Variants in SYTL2 observed in about 807,000 individuals in gnomAD.
SYTL2 encodes synaptotagmin-like protein 2.
In SYTL2, 165 loss-of-function variants were observed where a neutral mutation model predicts 198.7. The ratio of observed to expected loss-of-function variants is 0.83; its 90% CI spans 0.73 to 0.94. The LOEUF is 0.94. SYTL2 is among the 40% of genes least tolerant of loss of function. The pLI is 0.00. For missense variants in SYTL2, 2,835 were observed against 2,582.8 expected (o/e 1.10, Z -2.12); for synonymous variants, 966 against 917.7 (o/e 1.05, Z -0.95).
chr11:85,851,879 T>C, the SYTL2 span, among the ~76,000 whole-genome samples: 1 of 152,240 alleles, frequency 6.6e-6, no homozygotes, highest in African/African-American at 2.4e-5. Context: ...AATTTTATCC[T>C]ATAATCCCAT....
chr11:85,802,705 A>G (rs2092908588), intron 1 of SYTL2, among the ~76,000 whole-genome samples: 1 of 152,234 alleles, frequency 6.6e-6, no homozygotes, highest in African/African-American at 2.4e-5. Flanking sequence ...AATAGAACTG[A>G]CATTTATTGA....
At chr11:85,714,685 A>C in intron 11 of SYTL2, 178 bp from the exon 12 acceptor site, 1 of 1,330,758 alleles carries the variant, frequency 7.5e-7, no homozygotes, top group Non-Finnish European at 9.7e-7. Flanking sequence ...GTTTTTATAA[A>C]TTATATAGAG....
chr11:85,743,054 A>G (rs904843691), intron 4 of SYTL2, among the ~76,000 whole-genome samples: 3 of 152,230 alleles, frequency 2.0e-5, no homozygotes, highest in African/African-American at 7.2e-5. Context: ...CAACAGAAAG[A>G]AAGATGTTGC....
rs568790639 is a variant in SYTL2 at position 85,727,738 on chromosome 11, T to C, written c.1620A>G (p.Gln540=). The change falls in exon 8 of 20, where the codon CAA becomes CAG. Residue 540 remains glutamine, a synonymous_variant. Coordinates refer to ENST00000359152, the MANE Select transcript of SYTL2 (RefSeq NM_206927.4). The part of the protein sequence containing the change: ...SYSDDNKSFL[Q]HPRGIESKEK... ...CTTTGGACTCTATTCCTCGGGGATG[T>C]TGGAGGAATGACTTATTGTCATCTG... The C allele has an allele frequency of 6.4e-6, 10 of 1,553,536 alleles. No homozygotes were observed. In the African/African-American group the frequency reaches 1.1e-4, roughly 17 times the overall value.
At chr11:85,752,741 A>G (rs1339556676) in intron 2 of SYTL2, among the ~76,000 whole-genome samples, 1 of 151,844 alleles carries the variant, frequency 6.6e-6, no homozygotes, top group Non-Finnish European at 1.5e-5. Context: ...CTTCAACCCT[A>G]TCTCCTCATC....
At chr11:85,709,238 T>TC in intron 14 of SYTL2, 93 bp downstream of exon 14, 1 of 1,236,980 alleles carries the variant, frequency 8.1e-7, no homozygotes, top group African/African-American at 1.5e-5. Flanking sequence ...ACACATACCC[T>TC]CCCTCCTCTT....
the SYTL2 span, among the ~76,000 whole-genome samples, chr11:85,822,380 A>G: frequency 1.3e-5 from 2 of 152,128 alleles, no homozygotes; most frequent in African/African-American, 4.8e-5. Context: ...GGATCTTACT[A>G]TTTGCTCTAC....
Position 85,697,282 on chromosome 11 carries a change from C to T in SYTL2, c.6368+697G>A, listed in dbSNP as rs889835666. Among the ~76,000 whole-genome samples the T allele has an allele frequency of 3.9e-5, 6 of 152,116 alleles. No individual in the cohort carries two copies. The South Asian group carries it at 6.2e-4, about 16-fold the overall frequency. ...CTTGAACTCCTGGGCTCCAGTGATC[C>T]GTCCGCCTTGGCCTCCCAAAGTGCT... On this transcript the variant is annotated intron_variant, in intron 18 of 19. Coordinates refer to ENST00000359152, the MANE Select transcript of SYTL2 (RefSeq NM_206927.4).
intron 1 of SYTL2, among the ~76,000 whole-genome samples, chr11:85,795,514 G>C (rs2092791010): frequency 6.6e-6 from 1 of 152,082 alleles, no homozygotes; most frequent in South Asian, 2.1e-4. Context: ...TTCATGATCA[G>C]CACTTTCACT....
chr11:85,842,300 C>A, the SYTL2 span, among the ~76,000 whole-genome samples: 4 of 152,220 alleles, frequency 2.6e-5, no homozygotes, highest in African/African-American at 9.7e-5. Flanking sequence ...ACTTCTCTGA[C>A]CTGCAGTGGG....
At chr11:85,846,460 CT>C in the SYTL2 span, among the ~76,000 whole-genome samples, 3 of 152,154 alleles carry the variant, frequency 2.0e-5, no homozygotes, top group African/African-American at 7.2e-5. Flanking sequence ...CAGAGTTTTG[CT>C]CTTGTTACCC....
At chr11:85,785,322 C>T (rs1181490744) in intron 1 of SYTL2, among the ~76,000 whole-genome samples, 1 of 152,202 alleles carries the variant, frequency 6.6e-6, no homozygotes, top group Non-Finnish European at 1.5e-5. Context: ...TGAGCTCAAG[C>T]AAGCAACACA....
chr11:85,734,526 C>T lies in SYTL2; in HGVS notation c.803G>A (p.Gly268Glu). The T allele has an allele frequency of 2.5e-6, 4 of 1,614,156 alleles. No homozygotes were observed. Among genetic ancestry groups the T allele is most frequent in the Non-Finnish European group, 3.4e-6 (4 of 1,180,008 alleles). Reference protein sequence around the residue: ...RQRTDSLKARGAPRGILKRNS... With the variant: ...RQRTDSLKAREAPRGILKRNS... The stretch of plus-strand genomic sequence containing the variant: ...GCGCTTGAGGATCCCTCTCGGAGCC[C>T]CTCTCGCTTTCAGGGAGTCTGTCCT... Residue 268 changes from glycine (G) to glutamate (E), a missense_variant, in exon 7 of 20, where the codon GGG becomes GAG. Gly to Glu is a moderately conservative substitution (Grantham distance 98, BLOSUM62 -2). Coordinates refer to ENST00000359152, the MANE Select transcript of SYTL2 (RefSeq NM_206927.4).
At chr11:85,797,405 A>T (rs1176964355) in intron 1 of SYTL2, among the ~76,000 whole-genome samples, 1 of 152,098 alleles carries the variant, frequency 6.6e-6, no homozygotes, top group Non-Finnish European at 1.5e-5. Flanking sequence ...AGGTGGGAGG[A>T]TCCCTTGAGG....
At position 85,727,150 on chromosome 11, in the gene SYTL2, T is replaced by G; in HGVS notation, c.2208A>C (p.Lys736Asn). ...CTTTCAGGATATAGGTATTTCCTAC[T>G]TTGCTCTTTCTCTCTGCATTCATGT... ...KDNMNAERKS[K>N]VGNTYILKAS... Residue 736 changes from lysine (K) to asparagine (N), a missense_variant, in exon 8 of 20, where the codon AAA (lysine) becomes AAC (asparagine). This residue lies in a region of SYTL2 where 2,645 missense variants were observed against 2,381.7 expected (regional missense o/e 1.11). Coordinates refer to ENST00000359152, the MANE Select transcript of SYTL2 (RefSeq NM_206927.4). 1 of 1,536,426 alleles carries G rather than the reference T, an allele frequency of 6.5e-7. No homozygotes were observed. The highest frequency in any genetic ancestry group is 8.7e-7 in the Non-Finnish European group (1 of 1,146,884).
chr11:85,779,640 T>C (rs558393968), intron 1 of SYTL2, among the ~76,000 whole-genome samples: 1 of 151,794 alleles, frequency 6.6e-6, no homozygotes, highest in Non-Finnish European at 1.5e-5. Flanking sequence ...ATCAAGTGTT[T>C]TTTTTTTTCC....
chr11:85,798,709 G>A (rs962953946), intron 1 of SYTL2, among the ~76,000 whole-genome samples: 1 of 152,212 alleles, frequency 6.6e-6, no homozygotes, highest in African/African-American at 2.4e-5. Flanking sequence ...TCCAAGAGGA[G>A]TCACACTGGA....
At position 85,727,214 on chromosome 11, in the gene SYTL2, T is replaced by C. The variant is rs1259022924; in HGVS notation, c.2144A>G (p.Asp715Gly). The change falls in exon 8 of 20, where the codon GAC (aspartate) becomes GGC (glycine). Residue 715 changes from aspartate (D) to glycine (G), a missense_variant. By Grantham distance (94) the Asp-to-Gly change is moderately conservative. Coordinates refer to ENST00000359152, the MANE Select transcript of SYTL2 (RefSeq NM_206927.4). ...ENRGHSEVNF[D>G]SSTVVKEPGL... Reference sequence around the variant, plus strand: ...TGGTTCTTTGACAACTGTTGAAGAGTCAAAATTCACTTCTGAGTGTCCTCT... The same window carrying C: ...TGGTTCTTTGACAACTGTTGAAGAGCCAAAATTCACTTCTGAGTGTCCTCT... 2 of 1,536,138 alleles carry C rather than the reference T, an allele frequency of 1.3e-6. No individual in the cohort carries two copies. Among genetic ancestry groups the C allele is most frequent in the African/African-American group, 2.7e-5 (2 of 73,020 alleles).
chr11:85,780,847 G>A (rs894166194), intron 1 of SYTL2, among the ~76,000 whole-genome samples: 1 of 152,232 alleles, frequency 6.6e-6, no homozygotes, highest in Non-Finnish European at 1.5e-5. Flanking sequence ...ATTGGCATCT[G>A]AATTAGGGAC....
Sources: allele counts gnomAD v4.1 joint callset (sites outside exome capture counted in the v4.1 genomes callset), GRCh38; gene constraint gnomAD v4.1.1; regional missense constraint gnomAD v4.1.1; transcripts MANE v1.5; gene names NCBI Gene and HGNC (gene_info 2026-07-23, HGNC 2026-07-21).